PRKG1: variants seen among roughly 807,000 people sequenced by gnomAD.
PRKG1 encodes protein kinase cGMP-dependent 1, also known as cGMP-dependent protein kinase 1.
Under a neutral mutation model 88.1 loss-of-function variants are expected in PRKG1, and 35 were observed. The ratio of observed to expected loss-of-function variants is 0.40; its 90% CI spans 0.30 to 0.53. The LOEUF (loss-of-function observed/expected upper bound fraction) is 0.53, where lower values mean the gene tolerates loss of function less well. PRKG1 is among the 20% of genes least tolerant of loss of function. PRKG1 has a pLI of 0.59. For missense variants in PRKG1, 540 were observed against 839.8 expected, an observed-to-expected ratio of 0.64 and a Z score of 4.41; for synonymous variants, 303 against 292.5, an observed-to-expected ratio of 1.04 and a Z score of -0.37.
At chr10:52,056,732 T>C (rs927273120) in intron 6 of PRKG1, among the ~76,000 whole-genome samples, 14 of 152,136 alleles carry the variant, frequency 9.2e-5, no homozygotes, top group African/African-American at 2.9e-4. Flanking sequence ...TTCTTAGTTA[T>C]GTAAATTACA....
intron 3 of PRKG1, among the ~76,000 whole-genome samples, chr10:51,505,715 G>A (rs999978629): frequency 3.9e-5 from 6 of 152,124 alleles, no homozygotes; most frequent in Admixed American, 1.3e-4. Context: ...TGCATGTGTC[G>A]AGGAATTTAT....
chr10:51,172,600 C>CTATG (rs34401585), intron 2 of PRKG1, among the ~76,000 whole-genome samples: 87 of 141,526 alleles, frequency 6.1e-4, no homozygotes, highest in Non-Finnish European at 1.0e-3. Flanking sequence ...CTATGTCTGT[C>CTATG]TATGTATGTA....
chr10:51,876,315 T>A (rs1291701930), intron 4 of PRKG1, among the ~76,000 whole-genome samples: 1 of 152,118 alleles, frequency 6.6e-6, no homozygotes, highest in East Asian at 1.9e-4. Context: ...AAGGGGGAAG[T>A]AGAGGAAATA....
At chr10:51,472,027 A>G (rs1840061566) in intron 3 of PRKG1, among the ~76,000 whole-genome samples, 1 of 151,932 alleles carries the variant, frequency 6.6e-6, no homozygotes, top group Non-Finnish European at 1.5e-5. Context: ...CAAAGAGCCT[A>G]AAAAGCCTAC....
At chr10:51,581,467 T>C (rs1387987314) in intron 3 of PRKG1, among the ~76,000 whole-genome samples, 2 of 152,108 alleles carry the variant, frequency 1.3e-5, no homozygotes, top group Non-Finnish European at 2.9e-5. Flanking sequence ...ATCTTATCCA[T>C]ATGGACAGGT....
At chr10:51,269,539 A>G in intron 2 of PRKG1, among the ~76,000 whole-genome samples, 1 of 152,242 alleles carries the variant, frequency 6.6e-6, no homozygotes, top group Non-Finnish European at 1.5e-5. Flanking sequence ...CAGCCATAAA[A>G]TGGAATGAAA....
At chr10:52,291,451 T>C (rs558049134) in intron 17 of PRKG1, among the ~76,000 whole-genome samples, 1 of 128,470 alleles carries the variant, frequency 7.8e-6, no homozygotes, top group African/African-American at 3.0e-5. Context: ...GTCCCCTTCC[T>C]GTGTTCATGT....
At chr10:52,140,856 A>T (rs1284693614) in intron 8 of PRKG1, among the ~76,000 whole-genome samples, 1 of 152,148 alleles carries the variant, frequency 6.6e-6, no homozygotes, top group Non-Finnish European at 1.5e-5. Flanking sequence ...TTCTTCTTAT[A>T]TAGCTTGTCA....
At chr10:51,858,690 C>T (rs1840784322) in intron 4 of PRKG1, among the ~76,000 whole-genome samples, 1 of 151,408 alleles carries the variant, frequency 6.6e-6, no homozygotes, top group Admixed American at 6.6e-5. Flanking sequence ...TACTGGGTGC[C>T]TGCCATATTC....
intron 4 of PRKG1, among the ~76,000 whole-genome samples, chr10:51,876,492 ATT>A (rs1180948679): frequency 1.3e-5 from 2 of 152,094 alleles, no homozygotes; most frequent in African/African-American, 4.8e-5. Context: ...GTCTTTTGGT[ATT>A]TGTGGGGTTT....
chr10:51,522,658 T>C (rs1333978649), intron 3 of PRKG1, among the ~76,000 whole-genome samples: 2 of 152,212 alleles, frequency 1.3e-5, no homozygotes, highest in Admixed American at 1.3e-4. Flanking sequence ...AATGTGTTCA[T>C]TGTGAATCAG....
At chr10:51,533,282 T>G (rs1186297776) in intron 3 of PRKG1, among the ~76,000 whole-genome samples, 1 of 152,246 alleles carries the variant, frequency 6.6e-6, no homozygotes, top group Non-Finnish European at 1.5e-5. Flanking sequence ...GGAATTTAAC[T>G]TTTTCACAAT....
At chr10:52,059,622 A>G (rs1293734124) in intron 6 of PRKG1, among the ~76,000 whole-genome samples, 1 of 151,896 alleles carries the variant, frequency 6.6e-6, no homozygotes, top group African/African-American at 2.4e-5. Flanking sequence ...AAGGGTGAGG[A>G]ATGAGAAGGA....
chr10:51,561,684 GA>G (rs1837465871), intron 3 of PRKG1, among the ~76,000 whole-genome samples: 1 of 152,010 alleles, frequency 6.6e-6, no homozygotes, highest in Non-Finnish European at 1.5e-5. Flanking sequence ...GGAGGAAGAG[GA>G]AGAAGAGAAA....
intron 3 of PRKG1, among the ~76,000 whole-genome samples, chr10:51,656,616 C>G (rs1336369227): frequency 6.6e-6 from 1 of 152,110 alleles, no homozygotes; most frequent in African/African-American, 2.4e-5. Flanking sequence ...GGCCTCCTAA[C>G]TCATGTTCAT....
intron 4 of PRKG1, among the ~76,000 whole-genome samples, chr10:51,895,956 T>C (rs67143320): frequency 0.18 from 28,098 of 151,950 alleles, 3,094 homozygotes; most frequent in East Asian, 0.48. Context: ...CAGAGAGCCA[T>C]TGGACTCCAA....
chr10:51,573,387 T>A (rs138227272), intron 3 of PRKG1, among the ~76,000 whole-genome samples: 326 of 152,052 alleles, frequency 2.1e-3, no homozygotes, highest in African/African-American at 7.3e-3. Flanking sequence ...TTACTATTAT[T>A]GAACTCTGAA....
rs117390747 is a variant in PRKG1, at chr10:52,103,031, G to A, written c.936-30809G>A. Reference sequence around the variant, plus strand: ...TCCACCTCCTGTCAGATCAGAGATGGCATTAGATTCTTATAGGAGCACAAA... The same window carrying A: ...TCCACCTCCTGTCAGATCAGAGATGACATTAGATTCTTATAGGAGCACAAA... On this transcript the variant is annotated intron_variant, in intron 7 of 17. Transcript: ENST00000373980. Among the ~76,000 whole-genome samples the A allele has an allele frequency of 1.1e-3, 162 of 152,286 alleles. 3 individuals carry two copies. In the East Asian group the frequency reaches 0.028, roughly 26 times the overall value.
intron 4 of PRKG1, among the ~76,000 whole-genome samples, chr10:51,903,494 A>T (rs1292586520): frequency 6.6e-6 from 1 of 152,156 alleles, no homozygotes; most frequent in African/African-American, 2.4e-5. Flanking sequence ...TTCAAAAATA[A>T]CTGTATATCC....
Sources: allele counts gnomAD v4.1 joint callset (sites outside exome capture counted in the v4.1 genomes callset), GRCh38; gene constraint gnomAD v4.1.1; transcripts MANE v1.5; gene names NCBI Gene and HGNC (gene_info 2026-07-23, HGNC 2026-07-21).